The following PDE4B variants were observed in gnomAD, a reference collection of about 807,000 sequenced individuals.
PDE4B encodes the protein phosphodiesterase 4B.
PDE4B carries 20 observed loss-of-function variants against 82.2 expected under a neutral mutation model. The ratio of observed to expected loss-of-function variants is 0.24; its 90% CI spans 0.17 to 0.35. The LOEUF is 0.35. Ranked by LOEUF, PDE4B falls within the 10% of genes least tolerant of loss-of-function variation. PDE4B has a pLI of 1.00. For missense variants in PDE4B, 655 were observed against 907.2 expected (o/e 0.72, Z 3.57); for synonymous variants, 320 against 318.9 (o/e 1.00, Z -0.04).
intron 3 of PDE4B, among the ~76,000 whole-genome samples, chr1:66,190,094 G>A (rs1165549477): frequency 3.9e-5 from 6 of 152,172 alleles, no homozygotes; most frequent in Non-Finnish European, 8.8e-5. Flanking sequence ...TTTACTGGAG[G>A]TCCACTCCAG....
chr1:65,880,840 G>GT (rs140187184), intron 1 of PDE4B, among the ~76,000 whole-genome samples: 15,458 of 152,190 alleles, frequency 0.1, 1,219 homozygotes, highest in Non-Finnish European at 0.15. Context: ...ATGGGAAGCA[G>GT]TAATAGAAGA....
chr1:65,913,784 C>G (rs1212797751), intron 2 of PDE4B, among the ~76,000 whole-genome samples: 3 of 152,144 alleles, frequency 2.0e-5, no homozygotes, highest in Non-Finnish European at 2.9e-5. Flanking sequence ...ACACACATCC[C>G]CTAGGCCTTT....
chr1:66,179,926 A>G (rs1342003928), intron 3 of PDE4B, among the ~76,000 whole-genome samples: 1 of 152,206 alleles, frequency 6.6e-6, no homozygotes. Flanking sequence ...AATGGGGCCT[A>G]ATTGACCAAG....
chr1:66,292,139 T>A (rs1259221146), intron 7 of PDE4B, among the ~76,000 whole-genome samples: 1 of 152,232 alleles, frequency 6.6e-6, no homozygotes, highest in Non-Finnish European at 1.5e-5. Context: ...AGATGTGCTC[T>A]AATTGTTTGA....
intron 3 of PDE4B, among the ~76,000 whole-genome samples, chr1:66,010,908 G>A (rs917818017): frequency 4.0e-4 from 60 of 150,790 alleles, no homozygotes; most frequent in Non-Finnish European, 6.2e-4. Context: ...AAGTCTCACA[G>A]GAAGAAAATG....
intron 3 of PDE4B, among the ~76,000 whole-genome samples, chr1:65,944,180 A>G (rs1206744405): frequency 1.3e-5 from 2 of 151,784 alleles, no homozygotes; most frequent in African/African-American, 4.8e-5. Context: ...TAATTTGTTT[A>G]GTTGATTTTA....
chr1:66,065,767 T>C (rs1655813996), intron 3 of PDE4B, among the ~76,000 whole-genome samples: 1 of 151,864 alleles, frequency 6.6e-6, no homozygotes, highest in East Asian at 1.9e-4. Context: ...GAAATTCAGT[T>C]CTCAAATTCT....
At chr1:66,100,696 A>G (rs1645204116) in intron 3 of PDE4B, among the ~76,000 whole-genome samples, 2 of 152,140 alleles carry the variant, frequency 1.3e-5, no homozygotes, top group African/African-American at 4.8e-5. Context: ...GCACATCCCC[A>G]AAGCAACATT....
At chr1:65,998,909 T>G (rs1258809570) in intron 3 of PDE4B, among the ~76,000 whole-genome samples, 1 of 152,080 alleles carries the variant, frequency 6.6e-6, no homozygotes, top group Non-Finnish European at 1.5e-5. Context: ...GTCCACAATC[T>G]GAATCAAATG....
intron 3 of PDE4B, among the ~76,000 whole-genome samples, chr1:66,223,117 A>G (rs553753604): frequency 2.4e-4 from 37 of 152,278 alleles, no homozygotes; most frequent in African/African-American, 7.9e-4. Flanking sequence ...ATAAGCAAAA[A>G]CCGACAAGGT....
chr1:66,343,871 G>C lies in PDE4B; in HGVS notation c.747+11251G>C, dbSNP rs554261044. On this transcript the variant is annotated intron_variant, in intron 8 of 16. Transcript: ENST00000341517. ...TAATAAAGATAGAATTTTTTTTTTT[G>C]TATTTTCAGAAATTTAAAGTTATGA... Among the ~76,000 whole-genome samples the C allele has an allele frequency of 3.7e-3, 554 of 149,960 alleles. 2 individuals carry two copies. Among genetic ancestry groups the C allele is most frequent in the Non-Finnish European group, 6.6e-3 (446 of 67,520 alleles).
intron 7 of PDE4B, among the ~76,000 whole-genome samples, chr1:66,311,062 C>T (rs1463095991): frequency 6.6e-6 from 1 of 152,034 alleles, no homozygotes; most frequent in Non-Finnish European, 1.5e-5. Context: ...GGATCTTGAA[C>T]GGTGTTGTCT....
chr1:65,886,616 T>G (rs772870840), intron 1 of PDE4B, among the ~76,000 whole-genome samples: 10 of 152,188 alleles, frequency 6.6e-5, no homozygotes, highest in African/African-American at 9.6e-5. Context: ...GGTTCTTACA[T>G]GAGTGAGAAT....
At chr1:65,907,655 GTTC>G (rs1329985698) in intron 1 of PDE4B, among the ~76,000 whole-genome samples, 1 of 152,108 alleles carries the variant, frequency 6.6e-6, no homozygotes, top group Non-Finnish European at 1.5e-5. Flanking sequence ...TAGTTTTGAG[GTTC>G]TTAGACGTTT....
chr1:66,114,428 T>C (rs1645551055), intron 3 of PDE4B, among the ~76,000 whole-genome samples: 1 of 152,076 alleles, frequency 6.6e-6, no homozygotes, highest in African/African-American at 2.4e-5. Context: ...AATAATAAAA[T>C]AAATTTTCAA....
intron 3 of PDE4B, among the ~76,000 whole-genome samples, chr1:65,974,736 G>T (rs1015948259): frequency 4.6e-5 from 7 of 152,236 alleles, no homozygotes; most frequent in Non-Finnish European, 8.8e-5. Context: ...CTTCCCCCTT[G>T]CTCTCTTTCT....
At chr1:66,323,485 C>T (rs1388077942) in intron 7 of PDE4B, among the ~76,000 whole-genome samples, 2 of 152,114 alleles carry the variant, frequency 1.3e-5, no homozygotes, top group African/African-American at 4.8e-5. Flanking sequence ...TTCAAGTAAG[C>T]AAAACCTAAT....
chr1:65,899,818 G>A (rs1646951561), intron 1 of PDE4B, among the ~76,000 whole-genome samples: 1 of 151,876 alleles, frequency 6.6e-6, no homozygotes, highest in Non-Finnish European at 1.5e-5. Flanking sequence ...CTCATAAGCG[G>A]GAGCTAAGCT....
At chr1:66,263,332 A>AAAAGTATCCAACTG (rs2101722139) in intron 6 of PDE4B, among the ~76,000 whole-genome samples, 1 of 152,350 alleles carries the variant, frequency 6.6e-6, no homozygotes, top group Admixed American at 6.5e-5. Flanking sequence ...TAAAGAGAAG[A>AAAAGTATCCAACTG]AAAGTATCCA....
Sources: allele counts gnomAD v4.1 joint callset (sites outside exome capture counted in the v4.1 genomes callset), GRCh38; gene constraint gnomAD v4.1.1; transcripts MANE v1.5; gene names NCBI Gene and HGNC (gene_info 2026-07-23, HGNC 2026-07-21).